The following SMOC1 variants were observed in gnomAD, a reference collection of about 807,000 sequenced individuals.
SMOC1 encodes SPARC-related modular calcium-binding protein 1.
Under a neutral mutation model 56.3 loss-of-function variants are expected in SMOC1, and 22 were observed. That is an observed-to-expected ratio of 0.39 (90% CI 0.28 to 0.56). The LOEUF (loss-of-function observed/expected upper bound fraction) is 0.56. Ranked by LOEUF, SMOC1 falls within the 20% of genes least tolerant of loss-of-function variation. SMOC1 has a pLI of 0.61. For synonymous variants in SMOC1, 193 were observed against 215.0 expected (o/e 0.90, Z 0.89); for missense variants, 509 against 565.4 (o/e 0.90, Z 1.01).
chr14:69,996,146 T>C (rs1031013249), intron 7 of SMOC1, among the ~76,000 whole-genome samples: 8 of 152,216 alleles, frequency 5.3e-5, no homozygotes, highest in African/African-American at 1.9e-4. Context: ...ATTGTTTCCT[T>C]GAATTTCTTT....
intron 1 of SMOC1, among the ~76,000 whole-genome samples, chr14:69,948,177 T>C (rs1264649867): frequency 6.6e-6 from 1 of 152,176 alleles, no homozygotes; most frequent in East Asian, 1.9e-4. Context: ...CTTTGGGTGA[T>C]CTTATTAGGG....
intron 1 of SMOC1, among the ~76,000 whole-genome samples, chr14:69,934,953 T>C (rs899459711): frequency 1.3e-5 from 2 of 152,200 alleles, no homozygotes; most frequent in African/African-American, 2.4e-5. Flanking sequence ...TAAAATAATT[T>C]ATTTAAAATT....
At chr14:69,941,322 C>T (rs1283862219) in intron 1 of SMOC1, among the ~76,000 whole-genome samples, 2 of 152,224 alleles carry the variant, frequency 1.3e-5, no homozygotes, top group South Asian at 2.1e-4. Flanking sequence ...GGGGTAACCA[C>T]CTCTCAGGAG....
At chr14:70,027,446 G>A (rs981023057) in intron 11 of SMOC1, among the ~76,000 whole-genome samples, 2 of 152,074 alleles carry the variant, frequency 1.3e-5, no homozygotes, top group African/African-American at 4.8e-5. Context: ...GAGTAGAGGT[G>A]TTGCAGGGGG....
At chr14:69,954,145 T>C (rs1451961707) in intron 3 of SMOC1, among the ~76,000 whole-genome samples, 1 of 152,186 alleles carries the variant, frequency 6.6e-6, no homozygotes, top group Non-Finnish European at 1.5e-5. Context: ...TGTGTTGATC[T>C]TGGCACAGAC....
intron 11 of SMOC1, among the ~76,000 whole-genome samples, chr14:70,028,921 A>G (rs1442564338): frequency 6.6e-6 from 1 of 152,324 alleles, no homozygotes; most frequent in East Asian, 1.9e-4. Flanking sequence ...TGTGGCTCAC[A>G]TGACCAGCGG....
chr14:69,981,475 C>A (rs777769095), intron 5 of SMOC1, among the ~76,000 whole-genome samples: 1 of 152,088 alleles, frequency 6.6e-6, no homozygotes, highest in Non-Finnish European at 1.5e-5. Flanking sequence ...CCTGGCTGCC[C>A]CCTCCCCTTC....
chr14:69,979,431 G>C (rs939231298), intron 5 of SMOC1, among the ~76,000 whole-genome samples: 3 of 152,306 alleles, frequency 2.0e-5, no homozygotes, highest in African/African-American at 4.8e-5. Context: ...TGCTTCTTCA[G>C]GTCCTTCCCA....
At chr14:69,884,405 C>T (rs544935210) in intron 1 of SMOC1, among the ~76,000 whole-genome samples, 1 of 152,206 alleles carries the variant, frequency 6.6e-6, no homozygotes, top group South Asian at 2.1e-4. Context: ...TCTAGGTTAT[C>T]TCTTTACTTG....
rs1023561604 is a variant in SMOC1 at position 69,954,583 on chromosome 14, C to A, written c.378+1051C>A. On this transcript the variant is annotated intron_variant, in intron 3 of 11. Coordinates refer to ENST00000361956, the MANE Select transcript of SMOC1 (RefSeq NM_001034852.3). ...GCTTGTGGCTGAGGTGGGAGGCAGC[C>A]TGGGCGGTGGGCAGCTTCTGTGAGA... Among the ~76,000 whole-genome samples the A allele has an allele frequency of 1.1e-3, 167 of 152,294 alleles. 3 individuals are homozygous for A. The highest frequency in any genetic ancestry group is 2.8e-4 in the Non-Finnish European group (19 of 68,022).
rs930728988 is a variant in SMOC1, at chr14:70,031,068, C to G, written c.*810C>G. ...TGGGTGCACCAGTATCTTAGTGACC[C>G]TCGGAGCAAATTATCCACAAAGGAT... On this transcript the variant is annotated 3_prime_UTR_variant, in exon 12 of 12. Coordinates refer to ENST00000361956, the MANE Select transcript of SMOC1 (RefSeq NM_001034852.3). 2.6e-5 allele frequency: 4 copies of G among 152,148 alleles called. No individual in the cohort carries two copies. Among genetic ancestry groups the G allele is most frequent in the African/African-American group, 7.2e-5 (3 of 41,418 alleles). 9.4% of individuals were successfully genotyped at this position (152,148 alleles called of 1,614,324 possible).
At chr14:69,944,496 G>A (rs1882708599) in intron 1 of SMOC1, among the ~76,000 whole-genome samples, 1 of 152,166 alleles carries the variant, frequency 6.6e-6, no homozygotes, top group Non-Finnish European at 1.5e-5. Context: ...TTGGACATTT[G>A]CAGGTGGAGA....
At chr14:69,949,817 C>G (rs1038615155) in intron 1 of SMOC1, among the ~76,000 whole-genome samples, 3 of 152,060 alleles carry the variant, frequency 2.0e-5, no homozygotes, top group Admixed American at 6.5e-5. Context: ...CTCACCAGGC[C>G]GGGGAGACGA....
chr14:69,931,631 T>G (rs1013194433), intron 1 of SMOC1, among the ~76,000 whole-genome samples: 1 of 152,162 alleles, frequency 6.6e-6, no homozygotes, highest in Non-Finnish European at 1.5e-5. Flanking sequence ...AAGGAAGGAT[T>G]TCTAGAGAGC....
At chr14:69,891,551 C>T (rs561004416) in intron 1 of SMOC1, among the ~76,000 whole-genome samples, 3 of 152,090 alleles carry the variant, frequency 2.0e-5, no homozygotes, top group Non-Finnish European at 4.4e-5. Flanking sequence ...AATCCCTCTT[C>T]CCTCCCTACC....
At chr14:69,995,929 A>G (rs1402361951) in intron 7 of SMOC1, among the ~76,000 whole-genome samples, 1 of 152,064 alleles carries the variant, frequency 6.6e-6, no homozygotes, top group African/African-American at 2.4e-5. Flanking sequence ...GCAAATATAA[A>G]TCAAATAGAA....
intron 5 of SMOC1, among the ~76,000 whole-genome samples, chr14:69,978,292 A>G (rs1884044525): frequency 6.6e-6 from 1 of 152,200 alleles, no homozygotes; most frequent in Admixed American, 6.5e-5. Flanking sequence ...GCATTAAACC[A>G]GAGAGGATGA....
At chr14:69,969,182 A>G (rs1883672591) in intron 3 of SMOC1, among the ~76,000 whole-genome samples, 1 of 152,222 alleles carries the variant, frequency 6.6e-6, no homozygotes, top group Non-Finnish European at 1.5e-5. Context: ...CCCCAAGCAC[A>G]TTTCAGAGAA....
At chr14:70,025,302 T>C (rs1232396915) in intron 11 of SMOC1, among the ~76,000 whole-genome samples, 1 of 152,210 alleles carries the variant, frequency 6.6e-6, no homozygotes, top group Non-Finnish European at 1.5e-5. Context: ...CTTTTCCTTG[T>C]TCCTCAGTTG....
Sources: allele counts gnomAD v4.1 joint callset (sites outside exome capture counted in the v4.1 genomes callset), GRCh38; gene constraint gnomAD v4.1.1; transcripts MANE v1.5; gene names NCBI Gene and HGNC (gene_info 2026-07-23, HGNC 2026-07-21).